Variants in HIP1 observed in about 807,000 individuals in gnomAD.
HIP1 encodes the protein huntingtin-interacting protein 1.
In HIP1, 65 loss-of-function variants were observed where a neutral mutation model predicts 147.6. The observed-to-expected ratio is 0.44, with a 90% CI of 0.36 to 0.54. HIP1 has a LOEUF of 0.54. Ranked by LOEUF, HIP1 falls within the 20% of genes least tolerant of loss-of-function variation. HIP1 has a pLI of 0.00. For missense variants in HIP1, 1,061 were observed against 1,299.6 expected (o/e 0.82, Z 2.82); for synonymous variants, 479 against 504.0 (o/e 0.95, Z 0.67).
intron 1 of HIP1, among the ~76,000 whole-genome samples, chr7:75,609,488 G>A (rs1318145644): frequency 5.9e-5 from 9 of 151,610 alleles, no homozygotes; most frequent in African/African-American, 1.9e-4. Flanking sequence ...CACCATACAC[G>A]CTCCCTCTTC....
Position 75,559,713 on chromosome 7 carries a change from GCCCCCA to G in HIP1, c.1375+13_1375+18del. 1.2e-5 allele frequency: 3 copies of G among 259,524 alleles called. No homozygotes were observed. Among genetic ancestry groups the G allele is most frequent in the Non-Finnish European group, 1.8e-5 (3 of 162,220 alleles). 16.1% of individuals were successfully genotyped at this position (259,524 alleles called of 1,614,324 possible). On this transcript the variant is annotated intron_variant, in intron 14 of 30. Transcript: ENST00000336926. ...GCGCCTGCCCCCGGGGCCCGCCCCC[GCCCCCA>G]CCCACCGCTCACTTTCTATCTCAGA...
intron 27 of HIP1, 134 bp from the exon 28 acceptor site, chr7:75,543,108 C>T (rs1794399239): frequency 3.5e-6 from 3 of 867,400 alleles, no homozygotes; most frequent in South Asian, 2.1e-5. Flanking sequence ...TCAAAATCTG[C>T]TGACTATAGT....
At chr7:75,640,757 ATAAT>A (rs1798625822) in intron 1 of HIP1, among the ~76,000 whole-genome samples, 5 of 65,498 alleles carry the variant, frequency 7.6e-5, no homozygotes, top group African/African-American at 2.6e-4. Context: ...CATCTCAATA[ATAAT>A]AATAATAATA....
At chr7:75,590,150 T>C (rs1369206906) in intron 4 of HIP1, among the ~76,000 whole-genome samples, 2 of 152,094 alleles carry the variant, frequency 1.3e-5, no homozygotes, top group African/African-American at 2.4e-5. Flanking sequence ...GAAAGGTCTA[T>C]GGAGAGCACA....
intron 1 of HIP1, among the ~76,000 whole-genome samples, chr7:75,682,067 C>T (rs1368146569): frequency 8.2e-6 from 1 of 122,464 alleles, no homozygotes; most frequent in Non-Finnish European, 1.6e-5. Context: ...CTTGCTCTGT[C>T]ACCCAGGCTG....
intron 1 of HIP1, among the ~76,000 whole-genome samples, chr7:75,672,554 C>T (rs939675019): frequency 2.6e-5 from 4 of 152,238 alleles, no homozygotes; most frequent in East Asian, 1.9e-4. Context: ...TCTCAAACTC[C>T]GGAGCTCCAG....
intron 1 of HIP1, among the ~76,000 whole-genome samples, chr7:75,677,436 C>G (rs2117261232): frequency 6.7e-6 from 1 of 150,072 alleles, no homozygotes; most frequent in Middle Eastern, 3.5e-3. Context: ...GAAACCCCGT[C>G]TCTGCTTGAA....
chr7:75,716,522 T>A (rs1554520601), intron 1 of HIP1, among the ~76,000 whole-genome samples: 1 of 113,806 alleles, frequency 8.8e-6, no homozygotes, highest in Non-Finnish European at 1.7e-5. Context: ...GTGCCTGGAC[T>A]TTTTTTTTTT....
rs1794681601 is a variant in HIP1, at chr7:75,549,100, C to T, written c.2296-99G>A. 6.3e-6 allele frequency: 5 copies of T among 797,874 alleles called. No homozygotes were observed. In the South Asian group the frequency reaches 7.3e-5, roughly 12 times the overall value. 49.4% of individuals were successfully genotyped at this position (797,874 alleles called of 1,614,324 possible). A position where few individuals can be genotyped will look rare whatever the true frequency, so the allele number is the denominator to read the frequency against. On this transcript the variant is annotated intron_variant, in intron 22 of 30. Coordinates refer to ENST00000336926, the MANE Select transcript of HIP1 (RefSeq NM_005338.7). ...ACAAGATGGCAAGGCAGGAGGCCAC[C>T]CAGCAAACACCTTCTGCAAGCCACA...
At chr7:75,626,221 C>T (rs1219951791) in intron 1 of HIP1, 3 of 152,164 alleles carry the variant, frequency 2.0e-5, no homozygotes, top group African/African-American at 7.2e-5. Context: ...GGCAGCCGCC[C>T]AAGGAAACTT....
At chr7:75,647,562 G>A (rs1798843192) in intron 1 of HIP1, among the ~76,000 whole-genome samples, 2 of 152,308 alleles carry the variant, frequency 1.3e-5, no homozygotes, top group East Asian at 3.9e-4. Flanking sequence ...CTTCCCTTCA[G>A]AGGAAGGGAC....
In HIP1 at chr7:75,700,093, C is replaced by T. The variant is rs140357403; in HGVS notation, c.120+38708G>A. 6.1e-4 allele frequency among the ~76,000 whole-genome samples: 93 copies of T among 152,228 alleles called. 1 individual carries two copies. The East Asian group carries it at 0.015, about 25-fold the overall frequency. ...CTCGAACTCCTGGCCTCAAGTGATC[C>T]GCCCGCATCGGCCTCTCAAAGTGTT... On this transcript the variant is annotated intron_variant, in intron 1 of 30. Coordinates refer to ENST00000336926, the MANE Select transcript of HIP1 (RefSeq NM_005338.7).
chr7:75,627,235 A>G (rs182729399), intron 1 of HIP1, among the ~76,000 whole-genome samples: 1 of 152,346 alleles, frequency 6.6e-6, no homozygotes, highest in East Asian at 1.9e-4. Flanking sequence ...CACATGGCAT[A>G]TCAAGGGCAC....
At chr7:75,668,604 C>T (rs963208995) in intron 1 of HIP1, among the ~76,000 whole-genome samples, 11 of 152,038 alleles carry the variant, frequency 7.2e-5, no homozygotes, top group African/African-American at 2.7e-4. Flanking sequence ...GGATTACAGG[C>T]ATGAGCCACC....
intron 1 of HIP1, among the ~76,000 whole-genome samples, chr7:75,691,803 C>T (rs572612117): frequency 6.6e-6 from 1 of 151,534 alleles, no homozygotes; most frequent in Non-Finnish European, 1.5e-5. Context: ...AACAAACAAA[C>T]AAAAAAAACT....
intron 4 of HIP1, among the ~76,000 whole-genome samples, chr7:75,590,003 G>A (rs1796443278): frequency 6.6e-6 from 1 of 152,014 alleles, no homozygotes; most frequent in African/African-American, 2.4e-5. Flanking sequence ...AAAGTGCTGG[G>A]ATTACAGGCA....
At position 75,538,195 on chromosome 7, in the gene HIP1, C is replaced by T; in HGVS notation, c.3091G>A (p.Glu1031Lys). ...CTCTATTCTTTTTCGGTTACCACTTCTTGCAGTGTAGGTGGAGATGCCTCT... is the reference window on the plus strand; with the variant it reads ...CTCTATTCTTTTTCGGTTACCACTTTTTGCAGTGTAGGTGGAGATGCCTCT... ...GTEASPPTLQ[E>K]VVTEKE The change falls in exon 31 of 31, where the codon GAA becomes AAA. Residue 1031 changes from glutamate to lysine, a missense_variant. Around this residue, in one of 3 missense-constraint regions of HIP1, gnomAD observed 810 missense variants for 946.8 expected, o/e 0.86. Transcript: ENST00000336926. 6.2e-7 allele frequency: 1 copy of T among 1,613,374 alleles called. No homozygotes were observed. Among genetic ancestry groups the T allele is most frequent in the Non-Finnish European group, 8.5e-7 (1 of 1,179,448 alleles).
intron 7 of HIP1, among the ~76,000 whole-genome samples, 182 bp from the exon 8 acceptor site, chr7:75,574,083 C>T (rs925614355): frequency 6.6e-6 from 1 of 152,138 alleles, no homozygotes; most frequent in African/African-American, 2.4e-5. Context: ...CCCCATTAAA[C>T]AGGTGAAGAA....
intron 1 of HIP1, among the ~76,000 whole-genome samples, chr7:75,718,959 C>T (rs1554520849): frequency 6.6e-6 from 1 of 152,076 alleles, no homozygotes; most frequent in East Asian, 1.9e-4. Flanking sequence ...AGCAGATAAA[C>T]CCGGAGACAA....
Sources: gnomAD v4.1 joint callset for allele counts (sites outside exome capture counted in the v4.1 genomes callset) on GRCh38, gnomAD v4.1.1 for gene constraint, gnomAD v4.1.1 regional missense constraint, MANE v1.5 for transcripts, NCBI Gene and HGNC (gene_info 2026-07-23, HGNC 2026-07-21) for gene names.